Variants in ITGB4 observed in about 807,000 individuals in gnomAD.
ITGB4 encodes integrin subunit beta 4, also known as integrin beta-4.
Under a neutral mutation model 207.6 loss-of-function variants are expected in ITGB4, and 159 were observed. The ratio of observed to expected loss-of-function variants is 0.77; its 90% CI spans 0.67 to 0.87. The LOEUF (loss-of-function observed/expected upper bound fraction) is 0.87. Ranked by LOEUF, ITGB4 falls within the 40% of genes least tolerant of loss-of-function variation. ITGB4 has a pLI of 0.00. For missense variants in ITGB4, 2,278 were observed against 2,546.8 expected (o/e 0.89, Z 2.27); for synonymous variants, 1,020 against 1,062.7 (o/e 0.96, Z 0.78).
rs867306119 is a variant in ITGB4 at position 75,752,293 on chromosome 17, G to T, written c.3913G>T (p.Gly1305Cys). 1 of 1,613,294 alleles carries T rather than the reference G, an allele frequency of 6.2e-7. No homozygotes were observed. Among genetic ancestry groups the T allele is most frequent in the Non-Finnish European group, 8.5e-7 (1 of 1,180,032 alleles). ...RYTVKARNGA[G>C]WGPEREAIIN... ...CACGGTGAAGGCGCGCAACGGGGCC[G>T]GCTGGGGGCCTGAGCGGGAGGCCAT... is the stretch of plus-strand genomic sequence containing the variant. The change falls in exon 31 of 40, where the codon GGC becomes TGC. Residue 1305 changes from glycine (G) to cysteine (C), a missense_variant. Physicochemically the swap from Gly to Cys is radical, Grantham distance 159. Coordinates refer to ENST00000200181, the MANE Select transcript of ITGB4 (RefSeq NM_000213.5).
rs2060636170 is a variant in ITGB4, at chr17:75,722,613, G to A, written c.-11+1001G>A. On this transcript the variant is annotated intron_variant, in intron 1 of 39. Coordinates refer to ENST00000200181, the MANE Select transcript of ITGB4 (RefSeq NM_000213.5). The surrounding 1 kb of genome is among the most constrained non-coding windows in gnomAD (Gnocchi z 6.2). ...GACTTCTGGCCAGCTGCCTCTCTGG[G>A]GCGAGGAAGGGCCTGGGTCCCTGAG... Among the ~76,000 whole-genome samples, 1 of 152,188 alleles carries A rather than the reference G, an allele frequency of 6.6e-6. No individual in the cohort carries two copies. The highest frequency in any genetic ancestry group is 1.5e-5 in the Non-Finnish European group (1 of 68,034).
chr17:75,727,112 C>A lies in ITGB4; in HGVS notation c.80-83C>A. 1 of 1,028,248 alleles carries A rather than the reference C, an allele frequency of 9.7e-7. No homozygotes were observed. Among genetic ancestry groups the A allele is most frequent in the Non-Finnish European group, 1.5e-6 (1 of 660,712 alleles). 63.7% of individuals were successfully genotyped at this position (1,028,248 alleles called of 1,614,324 possible). A position where few individuals can be genotyped will look rare whatever the true frequency, so the allele number is the denominator to read the frequency against. On this transcript the variant is annotated intron_variant, in intron 2 of 39. Transcript: ENST00000200181. The surrounding 1 kb of genome is among the most constrained non-coding windows in gnomAD (Gnocchi z 6.0). Reference sequence around the variant, plus strand: ...AATAACATAAGGAGGGAATCCCCATCTCTCCAGGTGAAGGTGCAGGTGGGA... The same window carrying A: ...AATAACATAAGGAGGGAATCCCCATATCTCCAGGTGAAGGTGCAGGTGGGA...
chr17:75,751,713 A>T (rs2061370742), intron 30 of ITGB4: 1 of 235,968 alleles, frequency 4.2e-6, no homozygotes, highest in Non-Finnish European at 8.5e-6. Flanking sequence ...CGCACTCCAG[A>T]CAGGGTGACA....
intron 26 of ITGB4, among the ~76,000 whole-genome samples, chr17:75,746,974 C>T (rs368282663): frequency 7.9e-6 from 1 of 126,756 alleles, no homozygotes; most frequent in African/African-American, 2.9e-5. Flanking sequence ...TTTTTTAAAA[C>T]ATTTTAATTT....
rs780968655 is a variant in ITGB4, at chr17:75,756,666, C to A, written c.4898-38C>A. ...GAGCTGCCCCCATCATGCCCACCAC[C>A]CACCCACAGGCTGATGCTCTTCCTC... On this transcript the variant is annotated intron_variant, in intron 36 of 39. Coordinates refer to ENST00000200181, the MANE Select transcript of ITGB4 (RefSeq NM_000213.5). 3 of 1,613,112 alleles carry A rather than the reference C, an allele frequency of 1.9e-6. No homozygotes were observed. In the African/African-American group the frequency reaches 4.0e-5, roughly 22 times the overall value.
chr17:75,741,206 C>T (rs2143108381), intron 23 of ITGB4: 1 of 685,972 alleles, frequency 1.5e-6, no homozygotes, highest in Admixed American at 2.2e-5. Context: ...TATGAAGTGG[C>T]CCCTGGACTA....
At position 75,732,949 on chromosome 17, in the gene ITGB4, G is replaced by A. The variant is rs1450448705; in HGVS notation, c.1455-541G>A. Among the ~76,000 whole-genome samples the A allele has an allele frequency of 3.9e-5, 6 of 152,032 alleles. No homozygotes were observed. The highest frequency in any genetic ancestry group is 1.4e-4 in the African/African-American group (6 of 41,388). On this transcript the variant is annotated intron_variant, in intron 12 of 39. Coordinates refer to ENST00000200181, the MANE Select transcript of ITGB4 (RefSeq NM_000213.5). This position sits in a 1 kb window ranked among gnomAD's most constrained non-coding sequence, Gnocchi z 5.3. ...TAAAAATACAAAAAAGTAGCTGGGC[G>A]TGGTGGTGCATGCCTGTAATCCCAG... is the stretch of plus-strand genomic sequence containing the variant.
At chr17:75,730,600 C>A in intron 8 of ITGB4, 96 bp downstream of exon 8, 1 of 940,476 alleles carries the variant, frequency 1.1e-6, no homozygotes. Context: ...CTCCCTCCCT[C>A]CCTTCCTCCC....
At chr17:75,723,544 C>A (rs2060658398) in intron 1 of ITGB4, among the ~76,000 whole-genome samples, 1 of 152,246 alleles carries the variant, frequency 6.6e-6, no homozygotes, top group African/African-American at 2.4e-5. Flanking sequence ...AGGGCTGCCT[C>A]CCAGTCCCTG....
rs1445645096 is a variant in ITGB4 at position 75,742,422 on chromosome 17, G to A, written c.2715G>A (p.Gln905=). The A allele has an allele frequency of 1.2e-6, 2 of 1,613,338 alleles. No individual in the cohort carries two copies. The highest frequency in any genetic ancestry group is 2.2e-5 in the East Asian group (1 of 44,874). Residue 905 remains glutamine (Q), a synonymous_variant, in exon 24 of 40, where the codon CAG becomes CAA. Transcript: ENST00000200181. This position sits in a 1 kb window ranked among gnomAD's most constrained non-coding sequence, Gnocchi z 5.9. ...KPALLKLTEK[Q]VEQRAFHDLK... ...CCCTGCTGAAGCTTACAGAGAAGCA[G>A]GTGGAACAGAGGGCCTTCCACGACC...
rs185823589 is a variant in ITGB4, at chr17:75,731,163, G to C, written c.1093-83G>C. ...GCTCCTGCAGGCTCTGTGATACCCC[G>C]CATGATGCCAGCCACACTTGGAGGT... On this transcript the variant is annotated intron_variant, in intron 9 of 39. Coordinates refer to ENST00000200181, the MANE Select transcript of ITGB4 (RefSeq NM_000213.5). This position sits in a 1 kb window ranked among gnomAD's most constrained non-coding sequence, Gnocchi z 6.8. The C allele has an allele frequency of 7.0e-5, 113 of 1,607,234 alleles. 1 individual carries two copies. The African/African-American group carries it at 1.4e-3, about 20-fold the overall frequency.
chr17:75,733,688 C>T lies in ITGB4; in HGVS notation c.1653C>T (p.Cys551=), dbSNP rs141067474. The T allele has an allele frequency of 7.4e-6, 12 of 1,613,768 alleles. No homozygotes were observed. The highest frequency in any genetic ancestry group is 1.0e-5 in the Non-Finnish European group (12 of 1,179,998). Residue 551 remains cysteine, a synonymous_variant, in exon 13 of 40, where the codon TGC becomes TGT. Coordinates refer to ENST00000200181, the MANE Select transcript of ITGB4 (RefSeq NM_000213.5). ...GTCCCCGCACTTCCGGGTTCCTCTGCAATGGTGAGCACAACAACTGCGGCC... is the reference window on the plus strand; with the variant it reads ...GTCCCCGCACTTCCGGGTTCCTCTGTAATGGTGAGCACAACAACTGCGGCC... The part of the protein sequence containing the change: ...FQCPRTSGFL[C]NDRGRCSMGQ...
Position 75,737,371 on chromosome 17 carries a change from C to A in ITGB4, c.2040C>A (p.Cys680Ter). 4 of 1,584,886 alleles carry A rather than the reference C, an allele frequency of 2.5e-6. No individual in the cohort carries two copies. Among genetic ancestry groups the A allele is most frequent in the Non-Finnish European group, 3.4e-6 (4 of 1,165,934 alleles). ...CCTTCCGGGACGAGGATGACGACTG[C>A]ACCTACAGCTACACCATGGAAGGTG... is the stretch of plus-strand genomic sequence containing the variant. ...RCSFRDEDDDCTYSYTMEGDG... is the reference protein window; with the variant it reads ...RCSFRDEDDD The change falls in exon 17 of 40, where the codon TGC (cysteine) becomes TGA (stop). Residue 680 changes from cysteine to a stop codon, truncating the protein, a stop_gained. Coordinates refer to ENST00000200181, the MANE Select transcript of ITGB4 (RefSeq NM_000213.5). LOFTEE classifies it high-confidence loss of function.
chr17:75,747,595 T>C (rs368017480), intron 26 of ITGB4, among the ~76,000 whole-genome samples: 1 of 152,264 alleles, frequency 6.6e-6, no homozygotes, highest in East Asian at 1.9e-4. Context: ...ATCAAGGATT[T>C]GGCATTGACT....
intron 32 of ITGB4, among the ~76,000 whole-genome samples, chr17:75,752,826 C>T (rs1452655978): frequency 6.6e-6 from 1 of 152,182 alleles, no homozygotes; most frequent in Non-Finnish European, 1.5e-5. Context: ...AACACAGCTT[C>T]ACAAGTTGAA....
intron 7 of ITGB4, 96 bp from the exon 8 acceptor site, chr17:75,730,145 C>A (rs2060817740): frequency 6.5e-7 from 1 of 1,541,288 alleles, no homozygotes. Flanking sequence ...AAGCCCAGCC[C>A]CATGTTGGGA....
chr17:75,741,128 C>T (rs1171518369), intron 23 of ITGB4, 123 bp downstream of exon 23: 24 of 1,114,282 alleles, frequency 2.2e-5, no homozygotes, highest in Admixed American at 3.9e-5. Flanking sequence ...CAGATGTGTC[C>T]GTCAGGTTCG....
At chr17:75,743,977 G>A in intron 26 of ITGB4, 116 bp downstream of exon 26, 2 of 1,209,854 alleles carry the variant, frequency 1.7e-6, no homozygotes, top group Non-Finnish European at 2.3e-6. Context: ...TACTGGCCGT[G>A]CCCCTGGCTG....
rs557836108 is a variant in ITGB4, at chr17:75,727,473, G to A, written c.232G>A (p.Val78Met). Reference sequence around the variant, plus strand: ...CGCGGGCTGCCAGCGGGAGAGCATCGTGGTCATGGAGAGCAGCTTCCAAAT... The same window carrying A: ...CGCGGGCTGCCAGCGGGAGAGCATCATGGTCATGGAGAGCAGCTTCCAAAT... ...LAAGCQRESIVVMESSFQITE... is the reference protein window; with the variant it reads ...LAAGCQRESIMVMESSFQITE... Residue 78 changes from valine to methionine, a missense_variant, in exon 4 of 40, where the codon GTG becomes ATG. By Grantham distance (21) the Val-to-Met change is conservative (BLOSUM62 1). Transcript: ENST00000200181. This position sits in a 1 kb window ranked among gnomAD's most constrained non-coding sequence, Gnocchi z 6.0. 3.4e-5 allele frequency: 55 copies of A among 1,613,964 alleles called. No homozygotes were observed. Among genetic ancestry groups the A allele is most frequent in the Admixed American group, 5.0e-5 (3 of 60,026 alleles).
Sources: gnomAD v4.1 joint callset for allele counts (sites outside exome capture counted in the v4.1 genomes callset) on GRCh38, gnomAD v4.1.1 for gene constraint, Gnocchi (gnomAD v3.1) non-coding constraint, MANE v1.5 for transcripts, NCBI Gene and HGNC (gene_info 2026-07-23, HGNC 2026-07-21) for gene names.